RTL4: variants seen among roughly 807,000 people sequenced by gnomAD.
The protein encoded by RTL4 is retrotransposon Gag like 4.
Under a neutral mutation model 5.3 loss-of-function variants are expected in RTL4, and 4 were observed. The observed-to-expected ratio is 0.75, with a 90% CI of 0.37 to 1.72. The LOEUF (loss-of-function observed/expected upper bound fraction) is 1.72. Ranked by LOEUF, RTL4 falls within the 40% of genes most tolerant of loss-of-function variation. RTL4 has a pLI of 0.04. For missense variants in RTL4, 260 were observed against 227.1 expected (o/e 1.14, Z -0.93); for synonymous variants, 98 against 87.3 (o/e 1.12, Z -0.68).
the RTL4 span, among the ~76,000 whole-genome samples, chrX:112,406,934 C>T: frequency 1.8e-5 from 2 of 109,624 alleles, no homozygotes; most frequent in African/African-American, 6.6e-5. Context: ...AAGGGAAGGA[C>T]CCAGTTCTGG....
At chrX:112,175,209 T>C in the RTL4 span, among the ~76,000 whole-genome samples, 1 of 102,629 alleles carries the variant, frequency 9.7e-6, no homozygotes, top group Admixed American at 1.1e-4. Flanking sequence ...TTTTATGGTT[T>C]TAGGTCTAAC....
chrX:112,180,323 G>A, the RTL4 span, among the ~76,000 whole-genome samples: 2 of 111,557 alleles, frequency 1.8e-5, no homozygotes, highest in Non-Finnish European at 3.8e-5. Context: ...CCAATACTTA[G>A]CATGGTACCT....
the RTL4 span, among the ~76,000 whole-genome samples, chrX:112,425,112 C>T: frequency 6.6e-4 from 74 of 111,545 alleles, no homozygotes; most frequent in African/African-American, 2.2e-3. Context: ...TAGCCCCTGG[C>T]AATCACTGAT....
At chrX:112,295,350 C>A in the RTL4 span, among the ~76,000 whole-genome samples, 1 of 111,833 alleles carries the variant, frequency 8.9e-6, no homozygotes, top group African/African-American at 3.3e-5. Flanking sequence ...GCTTCTAGGG[C>A]AGTATGCTTT....
At chrX:112,183,464 A>G in the RTL4 span, among the ~76,000 whole-genome samples, 3 of 112,051 alleles carry the variant, frequency 2.7e-5, no homozygotes, top group African/African-American at 9.7e-5. Flanking sequence ...GGGATGGAAG[A>G]ATATTTACCA....
the RTL4 span, among the ~76,000 whole-genome samples, chrX:112,350,222 T>C: frequency 9.0e-6 from 1 of 110,666 alleles, no homozygotes; most frequent in Non-Finnish European, 1.9e-5. Context: ...GCCCACTTGA[T>C]CATGGTGGAT....
the RTL4 span, among the ~76,000 whole-genome samples, chrX:112,284,483 T>A: frequency 4.5e-5 from 5 of 110,948 alleles, no homozygotes; most frequent in African/African-American, 1.6e-4. Context: ...TCATTCTAAC[T>A]TCTCAGGTGG....
the RTL4 span, among the ~76,000 whole-genome samples, chrX:112,132,303 G>A: frequency 9.0e-6 from 1 of 111,113 alleles, no homozygotes; most frequent in Non-Finnish European, 1.9e-5. Flanking sequence ...AGATAAGCAG[G>A]CAGGCAGGCA....
the RTL4 span, among the ~76,000 whole-genome samples, chrX:112,421,397 A>C: frequency 8.9e-6 from 1 of 112,124 alleles, no homozygotes; most frequent in Non-Finnish European, 1.9e-5. Context: ...GGCAAATGAT[A>C]ATCTATATGC....
At chrX:112,293,321 A>G in the RTL4 span, among the ~76,000 whole-genome samples, 1 of 112,330 alleles carries the variant, frequency 8.9e-6, no homozygotes, top group African/African-American at 3.2e-5. Context: ...CCATTAATAG[A>G]CACATATTCC....
the RTL4 span, among the ~76,000 whole-genome samples, chrX:112,091,594 G>C: frequency 3.6e-5 from 4 of 111,527 alleles, no homozygotes; most frequent in African/African-American, 1.3e-4. Flanking sequence ...CTTCATCATG[G>C]TCAGATAGGA....
At chrX:112,258,448 A>G in the RTL4 span, among the ~76,000 whole-genome samples, 1 of 111,446 alleles carries the variant, frequency 9.0e-6, no homozygotes. Context: ...ATCCAAAACT[A>G]CTCTAAAAAT....
the RTL4 span, among the ~76,000 whole-genome samples, chrX:112,320,620 G>C: frequency 1.8e-4 from 20 of 111,168 alleles, no homozygotes; most frequent in Non-Finnish European, 3.2e-4. Context: ...AAACAGTGAG[G>C]TGATTAAAGG....
At chrX:112,416,133 C>T in the RTL4 span, among the ~76,000 whole-genome samples, 51 of 111,263 alleles carry the variant, frequency 4.6e-4, no homozygotes, top group African/African-American at 1.6e-3. Context: ...TTCCTCTATG[C>T]GACTGTGTCT....
At chrX:112,196,203 G>C in the RTL4 span, among the ~76,000 whole-genome samples, 10 of 111,174 alleles carry the variant, frequency 9.0e-5, no homozygotes, top group Non-Finnish European at 1.7e-4. Context: ...CTATAATTCT[G>C]TCATTTCAAG....
chrX:112,243,965 T>C, the RTL4 span, among the ~76,000 whole-genome samples: 1 of 112,147 alleles, frequency 8.9e-6, no homozygotes, highest in African/African-American at 3.2e-5. Flanking sequence ...CCAGTAGTCA[T>C]TCAGGAGCAG....
At chrX:112,403,904 G>A in the RTL4 span, among the ~76,000 whole-genome samples, 1 of 112,245 alleles carries the variant, frequency 8.9e-6, no homozygotes. Flanking sequence ...TTAGTTACCA[G>A]CATTTAAAAA....
chrX:112,383,689 G>A, the RTL4 span, among the ~76,000 whole-genome samples: 1 of 111,856 alleles, frequency 8.9e-6, no homozygotes, highest in Admixed American at 9.5e-5. Context: ...CACATCCTTT[G>A]CAGCAACATG....
At chrX:112,236,444 T>A in the RTL4 span, among the ~76,000 whole-genome samples, 1 of 78,427 alleles carries the variant, frequency 1.3e-5, no homozygotes, top group African/African-American at 5.6e-5. Context: ...GATCTATATC[T>A]ATATATAGAT....
Sources: allele counts gnomAD v4.1 joint callset (sites outside exome capture counted in the v4.1 genomes callset), GRCh38; gene constraint gnomAD v4.1.1; transcripts MANE v1.5; gene names NCBI Gene and HGNC (gene_info 2026-07-23, HGNC 2026-07-21).